Variants in FOXP2 observed in about 807,000 individuals in gnomAD.
The protein encoded by FOXP2 is forkhead box P2, also known as forkhead box protein P2.
In FOXP2, 12 loss-of-function variants were observed where a neutral mutation model predicts 115.8. The ratio of observed to expected loss-of-function variants is 0.10; its 90% confidence interval spans 0.07 to 0.17. FOXP2 has a LOEUF of 0.17. Ranked by LOEUF, FOXP2 falls within the 10% of genes least tolerant of loss-of-function variation. The pLI, the probability that FOXP2 is intolerant of heterozygous loss-of-function variation, is 1.00. For synonymous variants in FOXP2, 328 were observed against 297.7 expected (o/e 1.10, Z -1.05); for missense variants, 629 against 843.5 (o/e 0.75, Z 3.15).
chr7:114,598,392 A>G lies in FOXP2; in HGVS notation c.259-30148A>G, dbSNP rs1802838145. The stretch of plus-strand genomic sequence containing the variant: ...ATCTTTTGATGGATACTGCCTTACA[A>G]CAGAAGAATTGGATTTCTAAGAATG... On this transcript the variant is annotated intron_variant, in intron 3 of 16. Coordinates refer to ENST00000350908, the MANE Select transcript of FOXP2 (RefSeq NM_014491.4). 1.3e-5 allele frequency among the ~76,000 whole-genome samples: 2 copies of G among 152,112 alleles called. 1 individual carries two copies. The highest frequency in any genetic ancestry group is 4.1e-4 in the South Asian group (2 of 4,832).
chr7:114,686,133 T>A (rs1585028351), intron 16 of FOXP2, among the ~76,000 whole-genome samples: 1 of 152,122 alleles, frequency 6.6e-6, no homozygotes, highest in Non-Finnish European at 1.5e-5. Flanking sequence ...ATAATAAGTT[T>A]TTTTTATACT....
chr7:114,279,572 T>C (rs932747952), intron 1 of FOXP2, among the ~76,000 whole-genome samples: 1 of 152,202 alleles, frequency 6.6e-6, no homozygotes, highest in Non-Finnish European at 1.5e-5. Flanking sequence ...GGAAAGTGGC[T>C]GCATAGTCAT....
chr7:114,261,741 A>G (rs1343644830), intron 1 of FOXP2, among the ~76,000 whole-genome samples: 1 of 152,214 alleles, frequency 6.6e-6, no homozygotes, highest in Non-Finnish European at 1.5e-5. Flanking sequence ...AAATCTAGAT[A>G]GTATAGAATA....
chr7:114,121,436 G>T (rs1791562823), intron 1 of FOXP2, among the ~76,000 whole-genome samples: 1 of 152,116 alleles, frequency 6.6e-6, no homozygotes, highest in South Asian at 2.1e-4. Flanking sequence ...AAAGGGAAAA[G>T]ATAAATTCAG....
intron 2 of FOXP2, among the ~76,000 whole-genome samples, chr7:114,446,747 C>CTTTT (rs373569304): frequency 1.4e-5 from 2 of 139,282 alleles, no homozygotes; most frequent in East Asian, 2.1e-4. Context: ...TTCTTTCTTT[C>CTTTT]TTTTTTTTTT....
intron 2 of FOXP2, among the ~76,000 whole-genome samples, chr7:114,493,238 CT>C (rs912635079): frequency 6.6e-6 from 1 of 151,994 alleles, no homozygotes; most frequent in Non-Finnish European, 1.5e-5. Context: ...CAACCGCTGT[CT>C]TTTTTTGTTT....
chr7:114,134,510 A>G (rs10276938), intron 1 of FOXP2, among the ~76,000 whole-genome samples: 147,989 of 151,956 alleles, frequency 0.97, 72,196 homozygotes, highest in South Asian at 1. Flanking sequence ...TCAGGAGATC[A>G]AGACCATCCC....
At chr7:114,476,558 C>T (rs1430425652) in intron 2 of FOXP2, among the ~76,000 whole-genome samples, 2 of 151,910 alleles carry the variant, frequency 1.3e-5, no homozygotes, top group African/African-American at 2.4e-5. Context: ...TAGTGTGATG[C>T]CTCTAGCTTT....
chr7:114,615,748 G>T (rs1033797614), intron 3 of FOXP2, among the ~76,000 whole-genome samples: 1 of 152,156 alleles, frequency 6.6e-6, no homozygotes, highest in Non-Finnish European at 1.5e-5. Flanking sequence ...GAGACTGTAC[G>T]GGTCCCTTGC....
At chr7:114,218,402 C>T (rs1454351599) in intron 1 of FOXP2, among the ~76,000 whole-genome samples, 1 of 152,072 alleles carries the variant, frequency 6.6e-6, no homozygotes, top group Non-Finnish European at 1.5e-5. Flanking sequence ...TGCACTACAT[C>T]CCTGTTCACC....
chr7:114,115,021 G>A (rs886409718), intron 1 of FOXP2, among the ~76,000 whole-genome samples: 2 of 149,794 alleles, frequency 1.3e-5, no homozygotes, highest in Non-Finnish European at 3.0e-5. Context: ...TTTTTGTTTT[G>A]AATCATTGGC....
intron 3 of FOXP2, among the ~76,000 whole-genome samples, chr7:114,576,464 T>G (rs994654870): frequency 2.0e-5 from 3 of 151,904 alleles, no homozygotes; most frequent in African/African-American, 7.2e-5. Context: ...CATTTTTCAA[T>G]GGAGGATCGT....
At chr7:114,623,492 A>C (rs1018459827) in intron 3 of FOXP2, among the ~76,000 whole-genome samples, 1 of 151,974 alleles carries the variant, frequency 6.6e-6, no homozygotes, top group Non-Finnish European at 1.5e-5. Flanking sequence ...ATGTAAAATA[A>C]TCTGAGCAGC....
intron 3 of FOXP2, among the ~76,000 whole-genome samples, chr7:114,604,162 G>A (rs1480273562): frequency 2.6e-5 from 4 of 152,114 alleles, no homozygotes; most frequent in Non-Finnish European, 5.9e-5. Flanking sequence ...TGGCTGGTGA[G>A]GATCTACTTC....
intron 1 of FOXP2, among the ~76,000 whole-genome samples, chr7:114,134,308 T>A (rs1422156862): frequency 1.3e-5 from 2 of 151,978 alleles, no homozygotes; most frequent in African/African-American, 4.8e-5. Context: ...GGGGCATGAG[T>A]GTAGTCCCTT....
chr7:114,160,782 C>CTGTG (rs34540150), upstream of FOXP2, among the ~76,000 whole-genome samples: 96,272 of 147,224 alleles, frequency 0.65, 36,197 homozygotes, highest in Non-Finnish European at 0.84. Flanking sequence ...AGTATATTTT[C>CTGTG]TGTGTGTGTG....
intron 6 of FOXP2, among the ~76,000 whole-genome samples, chr7:114,632,535 A>C (rs1804977744): frequency 6.6e-6 from 1 of 152,198 alleles, no homozygotes; most frequent in Non-Finnish European, 1.5e-5. Flanking sequence ...ATTAATCCAA[A>C]TGTACATTAA....
intron 1 of FOXP2, among the ~76,000 whole-genome samples, chr7:114,107,275 T>C (rs1422725889): frequency 6.6e-6 from 1 of 152,030 alleles, no homozygotes; most frequent in Non-Finnish European, 1.5e-5. Flanking sequence ...TACCAGTTTG[T>C]ATTGGAACTG....
At chr7:114,579,438 C>A (rs1801726965) in intron 3 of FOXP2, among the ~76,000 whole-genome samples, 1 of 152,156 alleles carries the variant, frequency 6.6e-6, no homozygotes, top group Non-Finnish European at 1.5e-5. Context: ...TGGGACCTAT[C>A]AATTCTACTA....
Sources: gnomAD v4.1 joint callset for allele counts (sites outside exome capture counted in the v4.1 genomes callset) on GRCh38, gnomAD v4.1.1 for gene constraint, MANE v1.5 for transcripts, NCBI Gene and HGNC (gene_info 2026-07-23, HGNC 2026-07-21) for gene names.